The following SLC35F3 variants were observed in gnomAD, a reference collection of about 807,000 sequenced individuals.
SLC35F3 encodes the protein putative thiamine transporter SLC35F3.
SLC35F3 carries 25 observed loss-of-function variants against 49.9 expected under a neutral mutation model. The observed-to-expected ratio is 0.50, with a 90% CI of 0.37 to 0.70. The LOEUF (loss-of-function observed/expected upper bound fraction) is 0.70, where lower values mean the gene tolerates loss of function less well. SLC35F3 is among the 30% of genes least tolerant of loss of function. SLC35F3 has a pLI of 0.00. For synonymous variants in SLC35F3, 275 were observed against 265.4 expected, an observed-to-expected ratio of 1.04 and a Z score of -0.35; for missense variants, 525 against 639.8, an observed-to-expected ratio of 0.82 and a Z score of 1.94.
chr1:233,908,251 A>G (rs562444316), intron 2 of SLC35F3, among the ~76,000 whole-genome samples: 1 of 152,090 alleles, frequency 6.6e-6, no homozygotes, highest in South Asian at 2.1e-4. Flanking sequence ...GCTCCAAGCT[A>G]TTATGTCACC....
chr1:234,091,264 C>T (rs1291435111), intron 2 of SLC35F3, among the ~76,000 whole-genome samples: 1 of 152,158 alleles, frequency 6.6e-6, no homozygotes, highest in Non-Finnish European at 1.5e-5. Context: ...GCACTATCAC[C>T]CTACCTTGAG....
At chr1:234,018,747 A>G (rs1289119426) in intron 2 of SLC35F3, among the ~76,000 whole-genome samples, 1 of 152,236 alleles carries the variant, frequency 6.6e-6, no homozygotes, top group African/African-American at 2.4e-5. Context: ...ATCTCTGCCA[A>G]AAATTCATTT....
At chr1:234,315,028 T>G (rs1306710859) in intron 4 of SLC35F3, among the ~76,000 whole-genome samples, 2 of 152,246 alleles carry the variant, frequency 1.3e-5, no homozygotes, top group Non-Finnish European at 2.9e-5. Flanking sequence ...TTGCTATCTC[T>G]GTTTCTTCTC....
intron 2 of SLC35F3, among the ~76,000 whole-genome samples, chr1:234,013,825 T>C (rs886951184): frequency 2.7e-5 from 4 of 150,446 alleles, no homozygotes; most frequent in African/African-American, 9.9e-5. Flanking sequence ...GTAAAGAGAC[T>C]GAGTTAGTAA....
At chr1:234,299,208 G>C (rs778460400) in intron 3 of SLC35F3, among the ~76,000 whole-genome samples, 4 of 152,174 alleles carry the variant, frequency 2.6e-5, no homozygotes, top group Non-Finnish European at 5.9e-5. Flanking sequence ...TTTGGGATCA[G>C]ACAAGGAGGA....
chr1:234,125,860 C>G (rs1163965937), intron 2 of SLC35F3, among the ~76,000 whole-genome samples: 1 of 152,160 alleles, frequency 6.6e-6, no homozygotes, highest in Non-Finnish European at 1.5e-5. Context: ...TCGGACCCCT[C>G]GTTCCCTAGT....
intron 3 of SLC35F3, among the ~76,000 whole-genome samples, chr1:234,258,726 T>C (rs1338755984): frequency 2.0e-5 from 3 of 152,262 alleles, no homozygotes; most frequent in Non-Finnish European, 4.4e-5. Flanking sequence ...GAGTCAGCTA[T>C]GTCAGATTTC....
chr1:234,222,366 G>C (rs1250849722), intron 2 of SLC35F3, among the ~76,000 whole-genome samples: 1 of 152,168 alleles, frequency 6.6e-6, no homozygotes, highest in Admixed American at 6.5e-5. Context: ...ACCCCACCTT[G>C]GTCCTTGACC....
rs533022667 is a variant in SLC35F3, at chr1:234,240,260, A to T, written c.608+8519A>T. On this transcript the variant is annotated intron_variant, in intron 3 of 7. Coordinates refer to ENST00000366618, the MANE Select transcript of SLC35F3 (RefSeq NM_173508.4). ...TGAGTCGGGCGGATCACTTGAGCCCAGGAGTTCGAGACCAGCCTGGCCAAC... is the reference window on the plus strand; with the variant it reads ...TGAGTCGGGCGGATCACTTGAGCCCTGGAGTTCGAGACCAGCCTGGCCAAC... 3.3e-5 allele frequency among the ~76,000 whole-genome samples: 5 copies of T among 152,290 alleles called. No individual in the cohort carries two copies. The South Asian group carries it at 1.0e-3, about 32-fold the overall frequency.
At chr1:234,297,164 A>G (rs1168724962) in intron 3 of SLC35F3, among the ~76,000 whole-genome samples, 2 of 152,250 alleles carry the variant, frequency 1.3e-5, no homozygotes, top group Non-Finnish European at 2.9e-5. Flanking sequence ...AGTGTTAGTG[A>G]TAATATGGAG....
chr1:234,233,830 T>A (rs548504386), intron 3 of SLC35F3, among the ~76,000 whole-genome samples: 4 of 152,346 alleles, frequency 2.6e-5, no homozygotes, highest in African/African-American at 9.6e-5. Context: ...CTGCTCCAGC[T>A]CTTTAAAAAA....
In SLC35F3 at chr1:234,081,882, C is replaced by T. The variant is rs999929496; in HGVS notation, c.284-149535C>T. On this transcript the variant is annotated intron_variant, in intron 2 of 7. Coordinates refer to ENST00000366618, the MANE Select transcript of SLC35F3 (RefSeq NM_173508.4). ...CCTTCAGAGTAACTGGGACTACAGGCGCCTGCCACCATGCCTGGCTAATTT... is the reference window on the plus strand; with the variant it reads ...CCTTCAGAGTAACTGGGACTACAGGTGCCTGCCACCATGCCTGGCTAATTT... Among the ~76,000 whole-genome samples the T allele has an allele frequency of 1.0e-4, 14 of 138,764 alleles. 1 individual carries two copies. The highest frequency in any genetic ancestry group is 4.7e-4 in the South Asian group (2 of 4,232). The allele number at this position is 138,764 out of a possible 152,430, so 91.0% of individuals were successfully genotyped here. A position where few individuals can be genotyped will look rare whatever the true frequency, so the allele number is the denominator to read the frequency against.
Position 234,309,187 on chromosome 1 carries a change from T to C in SLC35F3, c.695T>C (p.Leu232Pro). ...KAAPFGVLWT[L>P]TNYLYLHAIK... ...GCACCCTTTGGTGTTCTTTGGACAC[T>C]CACAAACTACCTGTACTTACATGCA... The change falls in exon 4 of 8, where the codon CTC (leucine) becomes CCC (proline). Residue 232 changes from leucine (L) to proline (P), a missense_variant. Physicochemically the swap from Leu to Pro is moderately conservative, Grantham distance 98 (BLOSUM62 -3). Around this residue, in one of 4 missense-constraint regions of SLC35F3, gnomAD observed 216 missense variants for 298.1 expected, o/e 0.72. Transcript: ENST00000366618. The C allele has an allele frequency of 6.2e-7, 1 of 1,614,152 alleles. No individual in the cohort carries two copies. Among genetic ancestry groups the C allele is most frequent in the Non-Finnish European group, 8.5e-7 (1 of 1,180,014 alleles).
chr1:234,304,079 C>T (rs1668737241), intron 3 of SLC35F3, among the ~76,000 whole-genome samples: 1 of 138,694 alleles, frequency 7.2e-6, no homozygotes, highest in Admixed American at 7.5e-5. Flanking sequence ...TCCTTTCTTC[C>T]TTCCTTCCTT....
chr1:234,232,281 T>A (rs1000093793), intron 3 of SLC35F3, among the ~76,000 whole-genome samples: 1 of 152,080 alleles, frequency 6.6e-6, no homozygotes, highest in African/African-American at 2.4e-5. Context: ...CTGGACTTTG[T>A]TGACTATATT....
intron 2 of SLC35F3, among the ~76,000 whole-genome samples, chr1:233,999,918 T>C (rs77516053): frequency 0.054 from 8,204 of 152,238 alleles, 500 homozygotes; most frequent in African/African-American, 0.15. Context: ...AATGAAAACA[T>C]TTCAACATTT....
At chr1:234,296,824 G>A (rs1370990274) in intron 3 of SLC35F3, among the ~76,000 whole-genome samples, 2 of 152,300 alleles carry the variant, frequency 1.3e-5, no homozygotes, top group Admixed American at 6.5e-5. Flanking sequence ...GCTTCTCCAC[G>A]TTCCCTCTCC....
chr1:233,974,065 T>C (rs764953900), intron 2 of SLC35F3, among the ~76,000 whole-genome samples: 40 of 152,162 alleles, frequency 2.6e-4, no homozygotes, highest in Non-Finnish European at 5.4e-4. Flanking sequence ...ATAGAAACTT[T>C]ATCTGATGGC....
At chr1:234,223,593 A>G (rs1667241991) in intron 2 of SLC35F3, among the ~76,000 whole-genome samples, 1 of 152,238 alleles carries the variant, frequency 6.6e-6, no homozygotes, top group Admixed American at 6.5e-5. Context: ...AAGATAGCAT[A>G]TAATATTTAT....
Sources: allele counts gnomAD v4.1 joint callset (sites outside exome capture counted in the v4.1 genomes callset), GRCh38; gene constraint gnomAD v4.1.1; regional missense constraint gnomAD v4.1.1; transcripts MANE v1.5; gene names NCBI Gene and HGNC (gene_info 2026-07-23, HGNC 2026-07-21).